The following CYP19A1 variants were observed in gnomAD, a reference collection of about 807,000 sequenced individuals.
CYP19A1 encodes cytochrome P450 family 19 subfamily A member 1.
In CYP19A1, 32 loss-of-function variants were observed where a neutral mutation model predicts 44.4. The ratio of observed to expected loss-of-function variants is 0.72; its 90% CI spans 0.54 to 0.97. The LOEUF is 0.97. Among genes scored for constraint, CYP19A1 ranks in the 50% least tolerant of loss-of-function variants. The pLI, the probability that CYP19A1 is intolerant of heterozygous loss-of-function variation, is 0.00. For synonymous variants in CYP19A1, 212 were observed against 215.6 expected, an observed-to-expected ratio of 0.98 and a Z score of 0.14; for missense variants, 598 against 637.8, an observed-to-expected ratio of 0.94 and a Z score of 0.67.
chr15:51,303,476 C>T (rs970801759), intron 1 of CYP19A1, among the ~76,000 whole-genome samples: 1 of 151,532 alleles, frequency 6.6e-6, no homozygotes, highest in Admixed American at 6.6e-5. Flanking sequence ...ATGAAAACAA[C>T]ATAAACATGT....
At chr15:51,248,344 C>T (rs1398324871) in intron 1 of CYP19A1, among the ~76,000 whole-genome samples, 1 of 152,226 alleles carries the variant, frequency 6.6e-6, no homozygotes, top group African/African-American at 2.4e-5. Flanking sequence ...GAGCTACACA[C>T]TGGGAGCTAG....
At chr15:51,234,127 A>G (rs2141097936) in intron 3 of CYP19A1, among the ~76,000 whole-genome samples, 1 of 152,334 alleles carries the variant, frequency 6.6e-6, no homozygotes, top group Admixed American at 6.5e-5. Flanking sequence ...AATCTTTCTG[A>G]GGTCCAATGG....
intron 1 of CYP19A1, among the ~76,000 whole-genome samples, chr15:51,286,410 A>G (rs568853350): frequency 6.6e-6 from 1 of 152,338 alleles, no homozygotes; most frequent in East Asian, 1.9e-4. Flanking sequence ...TTCTGTCTTC[A>G]GGCACTTGTT....
intron 4 of CYP19A1, among the ~76,000 whole-genome samples, chr15:51,224,130 A>C (rs1028039278): frequency 1.3e-5 from 2 of 152,186 alleles, no homozygotes; most frequent in African/African-American, 4.8e-5. Context: ...TTTGGGAAAC[A>C]CATGCTATTT....
intron 1 of CYP19A1, chr15:51,277,959 T>TG (rs2035379315): frequency 1.3e-5 from 2 of 148,296 alleles, no homozygotes. Flanking sequence ...CATGAGTTTT[T>TG]TTTTTTTTTT....
chr15:51,332,956 C>T (rs2036724168), intron 1 of CYP19A1, among the ~76,000 whole-genome samples: 2 of 152,176 alleles, frequency 1.3e-5, no homozygotes, highest in African/African-American at 4.8e-5. Context: ...CCATAACTTG[C>T]CAAAACCTTC....
chr15:51,216,950 T>C (rs2031634692), intron 6 of CYP19A1, among the ~76,000 whole-genome samples: 1 of 152,240 alleles, frequency 6.6e-6, no homozygotes, highest in Non-Finnish European at 1.5e-5. Context: ...GTAAGTGTAT[T>C]GTTCCCTTAT....
chr15:51,211,717 G>A (rs553713885), intron 9 of CYP19A1: 11 of 431,070 alleles, frequency 2.6e-5, no homozygotes, highest in African/African-American at 1.2e-4. Context: ...AGGGAACTGC[G>A]TACGTAATTC....
intron 3 of CYP19A1, among the ~76,000 whole-genome samples, chr15:51,228,834 C>T (rs574826603): frequency 1.5e-4 from 23 of 152,302 alleles, no homozygotes; most frequent in South Asian, 6.2e-4. Context: ...CCTCCCTCTC[C>T]TCTGGTCTCC....
At chr15:51,295,939 A>G (rs2035986469) in intron 1 of CYP19A1, among the ~76,000 whole-genome samples, 2 of 152,180 alleles carry the variant, frequency 1.3e-5, no homozygotes, top group Admixed American at 1.3e-4. Flanking sequence ...CTGGGAGCAC[A>G]TGAACGTTCT....
intron 1 of CYP19A1, chr15:51,321,802 C>G (rs984110628): frequency 6.6e-6 from 1 of 152,208 alleles, no homozygotes; most frequent in Non-Finnish European, 1.5e-5. Flanking sequence ...TCCTCTGGCC[C>G]CAGAGGCCCA....
At position 51,302,877 on chromosome 15, in the gene CYP19A1, T is replaced by C. The variant is rs558853504; in HGVS notation, c.-39+35618A>G. ...GACAGTAAGCTCCTCAAAGGCAGGA[T>C]CCATGTCTGATTCATCTCTGGGTCC... On this transcript the variant is annotated intron_variant, in intron 1 of 9. Transcript: ENST00000396402. 3.3e-5 allele frequency among the ~76,000 whole-genome samples: 5 copies of C among 152,358 alleles called. No homozygotes were observed. In the East Asian group the frequency reaches 9.6e-4, roughly 29 times the overall value.
At chr15:51,230,256 G>A (rs888415930) in intron 3 of CYP19A1, among the ~76,000 whole-genome samples, 1 of 152,214 alleles carries the variant, frequency 6.6e-6, no homozygotes, top group Non-Finnish European at 1.5e-5. Flanking sequence ...GACAGGCCTG[G>A]CTCTGGCTTG....
intron 1 of CYP19A1, among the ~76,000 whole-genome samples, chr15:51,254,043 T>C (rs2034424625): frequency 6.6e-6 from 1 of 152,064 alleles, no homozygotes; most frequent in South Asian, 2.1e-4. Flanking sequence ...GAAATATAAG[T>C]AGAAAGGCAG....
intron 5 of CYP19A1, chr15:51,221,995 C>G: frequency 4.7e-6 from 2 of 424,400 alleles, no homozygotes; most frequent in Non-Finnish European, 8.5e-6. Context: ...ATATCATGCC[C>G]AAAAGAACAA....
At chr15:51,275,271 C>T (rs1595746827) in intron 1 of CYP19A1, among the ~76,000 whole-genome samples, 1 of 152,236 alleles carries the variant, frequency 6.6e-6, no homozygotes, top group African/African-American at 2.4e-5. Context: ...ACCTCTGGCT[C>T]ATAGCCAATG....
chr15:51,296,297 G>C (rs2035994222), intron 1 of CYP19A1, among the ~76,000 whole-genome samples: 1 of 152,130 alleles, frequency 6.6e-6, no homozygotes, highest in Non-Finnish European at 1.5e-5. Flanking sequence ...CCTGAGACCT[G>C]AGGGAAAGAG....
Position 51,210,555 on chromosome 15 carries a change from C to T in CYP19A1, c.*253G>A, listed in dbSNP as rs375823834. The T allele has an allele frequency of 5.2e-5, 33 of 631,616 alleles. No homozygotes were observed. The highest frequency in any genetic ancestry group is 3.0e-4 in the African/African-American group (17 of 55,972). The allele number at this position is 631,616 out of a possible 1,614,324, so 39.1% of individuals were successfully genotyped here. A position where few individuals can be genotyped will look rare whatever the true frequency, so the allele number is the denominator to read the frequency against. Reference sequence around the variant, plus strand: ...TGGTGGAATCGGGTCTTTATGGATACGGTTTCTTCACCGACTATTTCTCCC... The same window carrying T: ...TGGTGGAATCGGGTCTTTATGGATATGGTTTCTTCACCGACTATTTCTCCC... On this transcript the variant is annotated 3_prime_UTR_variant, in exon 10 of 10. Coordinates refer to ENST00000396402, the MANE Select transcript of CYP19A1 (RefSeq NM_000103.4).
At chr15:51,264,727 C>T (rs972781664) in intron 1 of CYP19A1, among the ~76,000 whole-genome samples, 11 of 152,110 alleles carry the variant, frequency 7.2e-5, no homozygotes, top group Admixed American at 3.3e-4. Context: ...GGGTGGGGTG[C>T]AGGCAGAAAG....
Sources: gnomAD v4.1 joint callset for allele counts (sites outside exome capture counted in the v4.1 genomes callset) on GRCh38, gnomAD v4.1.1 for gene constraint, MANE v1.5 for transcripts, NCBI Gene and HGNC (gene_info 2026-07-23, HGNC 2026-07-21) for gene names.